The following MYO3A variants were observed in gnomAD, a reference collection of about 807,000 sequenced individuals.
MYO3A encodes the protein myosin IIIA.
A neutral mutation model predicts 192.7 loss-of-function variants in MYO3A; 180 were observed. The ratio of observed to expected loss-of-function variants is 0.93; its 90% confidence interval spans 0.83 to 1.06. The LOEUF is 1.06. Ranked by LOEUF, MYO3A falls within the 50% of genes least tolerant of loss-of-function variation. The pLI is 0.00. For missense variants in MYO3A, 1,896 were observed against 1,905.0 expected, an observed-to-expected ratio of 1.00 and a Z score of 0.09; for synonymous variants, 628 against 645.3, an observed-to-expected ratio of 0.97 and a Z score of 0.41.
chr10:26,209,444 C>A (rs1193332113), intron 34 of MYO3A, among the ~76,000 whole-genome samples: 3 of 152,152 alleles, frequency 2.0e-5, no homozygotes, highest in Non-Finnish European at 4.4e-5. Flanking sequence ...ATGAATAATA[C>A]ATGAAAGAGT....
At chr10:26,196,439 G>A (rs1021233654) in intron 32 of MYO3A, among the ~76,000 whole-genome samples, 28 of 152,162 alleles carry the variant, frequency 1.8e-4, no homozygotes, top group African/African-American at 6.3e-4. Context: ...ATTTTTAAGT[G>A]ACTATATTTC....
At position 26,134,157 on chromosome 10, in the gene MYO3A, G is replaced by T. The variant is rs576897348; in HGVS notation, c.2262+5619G>T. Among the ~76,000 whole-genome samples, 13 of 152,274 alleles carry T rather than the reference G, an allele frequency of 8.5e-5. No individual in the cohort carries two copies. The South Asian group carries it at 2.5e-3, about 29-fold the overall frequency. On this transcript the variant is annotated intron_variant, in intron 20 of 34. Transcript: ENST00000642920. ...ATATTTTTTTCTGAATAAGGAAGCTGCTGTAGGGAGAAATATTCTAAAACT... is the reference window on the plus strand; with the variant it reads ...ATATTTTTTTCTGAATAAGGAAGCTTCTGTAGGGAGAAATATTCTAAAACT...
chr10:25,947,658 G>A (rs1836944528), intron 2 of MYO3A, among the ~76,000 whole-genome samples: 1 of 152,026 alleles, frequency 6.6e-6, no homozygotes, highest in African/African-American at 2.4e-5. Flanking sequence ...CTCCCAAAGT[G>A]TTGGGATTAC....
At chr10:26,061,695 T>A (rs1834491165) in intron 10 of MYO3A, among the ~76,000 whole-genome samples, 1 of 152,204 alleles carries the variant, frequency 6.6e-6, no homozygotes, top group African/African-American at 2.4e-5. Flanking sequence ...AAATCTTTTC[T>A]AAGTTTTTGA....
intron 2 of MYO3A, among the ~76,000 whole-genome samples, chr10:25,938,821 T>A (rs1836286745): frequency 6.6e-6 from 1 of 152,218 alleles, no homozygotes; most frequent in South Asian, 2.1e-4. Flanking sequence ...TTTTGGAAAG[T>A]TAATGATTAA....
At chr10:26,056,205 A>T (rs1428786071) in intron 10 of MYO3A, among the ~76,000 whole-genome samples, 2 of 152,172 alleles carry the variant, frequency 1.3e-5, no homozygotes, top group Non-Finnish European at 2.9e-5. Flanking sequence ...ATGAAGAACA[A>T]CCTTAATGGG....
In MYO3A at chr10:26,203,016, AG is replaced by A; in HGVS notation, c.4640del (p.Ser1547IlefsTer12). ...TTTCTATTATAAGGAATTTTTGCCC[AG>A]TCGTTCTGGACCAAAGGAACATAGC... is the stretch of plus-strand genomic sequence containing the variant. ...EDFYYKEFLP[S>X]RSGPKEHSPS... is the part of the protein sequence containing the mutation. On this transcript the variant is annotated frameshift_variant, in exon 34 of 35. Transcript: ENST00000642920. LOFTEE classifies it high-confidence loss of function. 1 of 1,613,838 alleles carries A rather than the reference AG, an allele frequency of 6.2e-7. No individual in the cohort carries two copies. The highest frequency in any genetic ancestry group is 8.5e-7 in the Non-Finnish European group (1 of 1,179,814).
At chr10:25,938,036 G>A (rs1169069444) in intron 2 of MYO3A, among the ~76,000 whole-genome samples, 4 of 152,330 alleles carry the variant, frequency 2.6e-5, no homozygotes, top group East Asian at 1.9e-4. Context: ...CTTGTTTGGC[G>A]ATTCAGACTA....
At chr10:26,005,255 G>A (rs1473874656) in intron 6 of MYO3A, among the ~76,000 whole-genome samples, 1 of 151,862 alleles carries the variant, frequency 6.6e-6, no homozygotes, top group African/African-American at 2.4e-5. Context: ...AAATCGTGAG[G>A]GAATATACAA....
chr10:26,196,562 T>A (rs934269406), intron 32 of MYO3A, among the ~76,000 whole-genome samples: 3 of 152,216 alleles, frequency 2.0e-5, no homozygotes, highest in African/African-American at 7.2e-5. Flanking sequence ...CAAGTGAAGA[T>A]ATACCACGTG....
In MYO3A at chr10:26,174,307, A is replaced by C; in HGVS notation, c.4043A>C (p.Lys1348Thr). The change falls in exon 30 of 35, where the codon AAA (lysine) becomes ACA (threonine). Residue 1348 changes from lysine (K) to threonine (T), a missense_variant. By Grantham distance (78) the Lys-to-Thr change is moderately conservative. Transcript: ENST00000642920. ...PVTQAQEEEDKAAVFIQSKYR... is the reference protein window; with the variant it reads ...PVTQAQEEEDTAAVFIQSKYR... Reference sequence around the variant, plus strand: ...ACACAGGCCCAGGAGGAAGAAGATAAAGCAGCGGTATTCATTCAGAGCAAA... The same window carrying C: ...ACACAGGCCCAGGAGGAAGAAGATACAGCAGCGGTATTCATTCAGAGCAAA... 6.2e-7 allele frequency: 1 copy of C among 1,614,110 alleles called. No individual in the cohort carries two copies. Among genetic ancestry groups the C allele is most frequent in the African/African-American group, 1.3e-5 (1 of 75,030 alleles).
At chr10:26,008,691 C>T (rs138239905) in intron 6 of MYO3A, among the ~76,000 whole-genome samples, 3,318 of 146,840 alleles carry the variant, frequency 0.023, 174 homozygotes, top group African/African-American at 0.079. Flanking sequence ...CCATCTCACA[C>T]CAGTTAGAAT....
intron 6 of MYO3A, among the ~76,000 whole-genome samples, chr10:26,003,591 G>T (rs1469827100): frequency 2.0e-5 from 3 of 152,100 alleles, no homozygotes; most frequent in South Asian, 4.1e-4. Context: ...AAATGTATTA[G>T]CCATTACTGG....
chr10:25,961,673 A>T (rs1211987060), intron 4 of MYO3A, among the ~76,000 whole-genome samples: 1 of 152,132 alleles, frequency 6.6e-6, no homozygotes, highest in African/African-American at 2.4e-5. Context: ...AAGTTGGCAA[A>T]CTGTATATAA....
At chr10:26,122,342 A>T (rs1483685354) in intron 18 of MYO3A, among the ~76,000 whole-genome samples, 1 of 152,188 alleles carries the variant, frequency 6.6e-6, no homozygotes, top group East Asian at 1.9e-4. Flanking sequence ...CCACTCATGG[A>T]AAGTAGAAAC....
intron 15 of MYO3A, among the ~76,000 whole-genome samples, chr10:26,091,070 A>C (rs1023528749): frequency 1.3e-5 from 2 of 152,168 alleles, no homozygotes; most frequent in Non-Finnish European, 2.9e-5. Flanking sequence ...CTGAACCCAT[A>C]TGGAAGCCAG....
At position 25,934,286 on chromosome 10, in the gene MYO3A, C is replaced by A. The variant is rs1264432347; in HGVS notation, c.-147C>A. 2 of 152,368 alleles carry A rather than the reference C, an allele frequency of 1.3e-5. No homozygotes were observed. The highest frequency in any genetic ancestry group is 2.9e-5 in the Non-Finnish European group (2 of 68,184). The allele number at this position is 152,368 out of a possible 1,614,324, so 9.4% of individuals were successfully genotyped here. ...CCCTCGAGGGAGCGCCCGTAGCCAGCGCCCCCGTAAAGAAATAAGGAGGCG... is the reference window on the plus strand; with the variant it reads ...CCCTCGAGGGAGCGCCCGTAGCCAGAGCCCCCGTAAAGAAATAAGGAGGCG... On this transcript the variant is annotated 5_prime_UTR_variant, in exon 1 of 35. Transcript: ENST00000642920.
chr10:26,052,108 C>T (rs1034264560), intron 10 of MYO3A, among the ~76,000 whole-genome samples: 7 of 152,094 alleles, frequency 4.6e-5, no homozygotes, highest in Admixed American at 2.0e-4. Context: ...TTAGTGTCCA[C>T]CTAGAAAAAA....
chr10:26,015,016 G>C (rs1841909288), intron 6 of MYO3A, among the ~76,000 whole-genome samples: 1 of 152,128 alleles, frequency 6.6e-6, no homozygotes, highest in Non-Finnish European at 1.5e-5. Context: ...TATGCGATAG[G>C]GAATGGAGTT....
Sources: gnomAD v4.1 joint callset for allele counts (sites outside exome capture counted in the v4.1 genomes callset) on GRCh38, gnomAD v4.1.1 for gene constraint, MANE v1.5 for transcripts, NCBI Gene and HGNC (gene_info 2026-07-23, HGNC 2026-07-21) for gene names.